The following DOCK1 variants were observed in gnomAD, a reference collection of about 807,000 sequenced individuals.
DOCK1 encodes dedicator of cytokinesis 1.
DOCK1 carries 138 observed loss-of-function variants against 262.7 expected under a neutral mutation model. The observed-to-expected ratio is 0.53, with a 90% CI of 0.46 to 0.61. The LOEUF (loss-of-function observed/expected upper bound fraction) is 0.61, where lower values mean the gene tolerates loss of function less well. DOCK1 is among the 20% of genes least tolerant of loss of function. DOCK1 has a pLI of 0.00. For missense variants in DOCK1, 1,908 were observed against 2,370.7 expected (o/e 0.80, Z 4.05); for synonymous variants, 866 against 867.4 (o/e 1.00, Z 0.03).
chr10:127,230,017 TTTTTA>T (rs1246579872), intron 27 of DOCK1, among the ~76,000 whole-genome samples: 1 of 152,220 alleles, frequency 6.6e-6, no homozygotes, highest in Non-Finnish European at 1.5e-5. Context: ...TGTTGGCCAC[TTTTTA>T]TTTTGAAAAA....
At chr10:127,381,473 G>C in intron 37 of DOCK1, 105 bp downstream of exon 37, 2 of 985,536 alleles carry the variant, frequency 2.0e-6, no homozygotes, top group Non-Finnish European at 2.9e-6. Flanking sequence ...TATAACTTAA[G>C]GTTTTATGAA....
chr10:126,911,595 C>A (rs557534941), intron 1 of DOCK1, among the ~76,000 whole-genome samples: 1 of 152,010 alleles, frequency 6.6e-6, no homozygotes, highest in Non-Finnish European at 1.5e-5. Context: ...AGGAGGCGCC[C>A]GAGGAGGGGT....
In DOCK1 at chr10:126,995,892, A is replaced by G. The variant is rs2040157039; in HGVS notation, c.474-856A>G. 6.6e-6 allele frequency among the ~76,000 whole-genome samples: 1 copy of G among 152,158 alleles called. No individual in the cohort carries two copies. The highest frequency in any genetic ancestry group is 2.1e-4 in the South Asian group (1 of 4,828). The stretch of plus-strand genomic sequence containing the variant: ...GCCTCATGTAAGGACTCGAAGTAGA[A>G]GGGGAGACATGCAGGGATCCCTATT... On this transcript the variant is annotated intron_variant, in intron 6 of 51. Coordinates refer to ENST00000623213, the MANE Select transcript of DOCK1 (RefSeq NM_001290223.2). The surrounding 1 kb of genome is among the most constrained non-coding windows in gnomAD (Gnocchi z 5.8).
intron 22 of DOCK1, among the ~76,000 whole-genome samples, chr10:127,061,094 G>A (rs1290111214): frequency 6.6e-6 from 1 of 152,150 alleles, no homozygotes; most frequent in African/African-American, 2.4e-5. Context: ...TGGGCATGGT[G>A]GTGGCCACCT....
intron 36 of DOCK1, among the ~76,000 whole-genome samples, 170 bp downstream of exon 36, chr10:127,380,292 A>C (rs1235154819): frequency 2.6e-5 from 4 of 152,114 alleles, no homozygotes; most frequent in African/African-American, 9.7e-5. Context: ...CAGCTCTTGC[A>C]TAGCTTGTCC....
chr10:127,416,239 G>A (rs1479972921), intron 44 of DOCK1, among the ~76,000 whole-genome samples: 1 of 152,194 alleles, frequency 6.6e-6, no homozygotes, highest in Non-Finnish European at 1.5e-5. Context: ...CCCTTTCTGT[G>A]CCCCTAGCAG....
At chr10:126,926,039 T>A (rs1190658574) in intron 1 of DOCK1, among the ~76,000 whole-genome samples, 1 of 152,048 alleles carries the variant, frequency 6.6e-6, no homozygotes, top group East Asian at 1.9e-4. Context: ...GCTCTGAGCC[T>A]CAGTTTGCAC....
At chr10:127,027,803 A>T (rs998657217) in intron 16 of DOCK1, among the ~76,000 whole-genome samples, 4 of 151,978 alleles carry the variant, frequency 2.6e-5, no homozygotes, top group Non-Finnish European at 5.9e-5. Flanking sequence ...GTGCCTGGAC[A>T]GGGGGGCTGC....
At chr10:127,261,445 G>C (rs962481175) in intron 29 of DOCK1, among the ~76,000 whole-genome samples, 2 of 143,952 alleles carry the variant, frequency 1.4e-5, no homozygotes, top group African/African-American at 5.5e-5. Context: ...GTGTGTACCT[G>C]CATGTGTGTG....
At chr10:127,248,739 G>A (rs1174242387) in intron 28 of DOCK1, among the ~76,000 whole-genome samples, 2 of 152,166 alleles carry the variant, frequency 1.3e-5, no homozygotes, top group African/African-American at 4.8e-5. Flanking sequence ...ATTACATGTT[G>A]ACTTGAACTC....
At chr10:127,451,108 G>A (rs1312678885) in intron 51 of DOCK1, among the ~76,000 whole-genome samples, 3 of 152,082 alleles carry the variant, frequency 2.0e-5, no homozygotes, top group Non-Finnish European at 4.4e-5. Context: ...CTGTGCAGAC[G>A]GTGGGAGAGT....
chr10:127,385,948 C>T (rs1017824257), intron 38 of DOCK1, among the ~76,000 whole-genome samples: 2 of 152,202 alleles, frequency 1.3e-5, no homozygotes, highest in Non-Finnish European at 2.9e-5. Flanking sequence ...TTGATTACAT[C>T]CAAATACCCT....
At chr10:127,170,293 C>T (rs889408046) in intron 27 of DOCK1, among the ~76,000 whole-genome samples, 1 of 152,212 alleles carries the variant, frequency 6.6e-6, no homozygotes, top group Non-Finnish European at 1.5e-5. Flanking sequence ...GGTCTTATCA[C>T]TACCTGCTGG....
At chr10:126,949,249 G>A (rs1324876625) in intron 1 of DOCK1, among the ~76,000 whole-genome samples, 1 of 152,112 alleles carries the variant, frequency 6.6e-6, no homozygotes, top group Non-Finnish European at 1.5e-5. Context: ...CTGCTCTCCT[G>A]CAGCCCTCTC....
chr10:127,387,207 C>G (rs559739269), intron 38 of DOCK1, among the ~76,000 whole-genome samples: 1 of 152,338 alleles, frequency 6.6e-6, no homozygotes, highest in Admixed American at 6.5e-5. Context: ...ACCCTCATTC[C>G]CTCCCTTGCC....
chr10:127,044,986 C>G (rs2044247328), intron 21 of DOCK1, among the ~76,000 whole-genome samples: 1 of 151,972 alleles, frequency 6.6e-6, no homozygotes, highest in Non-Finnish European at 1.5e-5. Context: ...CCCATGAGGC[C>G]AGGAGTTGGA....
chr10:127,279,730 C>T (rs1184656667), intron 29 of DOCK1, among the ~76,000 whole-genome samples: 2 of 152,162 alleles, frequency 1.3e-5, no homozygotes, highest in African/African-American at 4.8e-5. Context: ...AGTGCTTTGC[C>T]TGGGCTGCAG....
chr10:127,326,360 T>C (rs1431004264), intron 29 of DOCK1, among the ~76,000 whole-genome samples: 1 of 152,250 alleles, frequency 6.6e-6, no homozygotes, highest in Non-Finnish European at 1.5e-5. Flanking sequence ...CTTTATGTAA[T>C]ATTCTAAATC....
chr10:127,095,608 G>A (rs562127209), intron 23 of DOCK1, among the ~76,000 whole-genome samples: 19 of 152,212 alleles, frequency 1.2e-4, no homozygotes, highest in South Asian at 1.2e-3. Flanking sequence ...CAAAGGCCGA[G>A]GAATTTTGTG....
Sources: allele counts gnomAD v4.1 joint callset (sites outside exome capture counted in the v4.1 genomes callset), GRCh38; gene constraint gnomAD v4.1.1; non-coding constraint Gnocchi (gnomAD v3.1); transcripts MANE v1.5; gene names NCBI Gene and HGNC (gene_info 2026-07-23, HGNC 2026-07-21).